HOXB3: variants seen among roughly 807,000 people sequenced by gnomAD.
HOXB3 encodes homeobox B3, also known as homeobox protein Hox-B3.
In HOXB3, 17 loss-of-function variants were observed where a neutral mutation model predicts 29.2. The observed-to-expected ratio is 0.58, with a 90% CI of 0.40 to 0.87. The LOEUF is 0.87. Ranked by LOEUF, HOXB3 falls within the 40% of genes least tolerant of loss-of-function variation. The probability of loss-of-function intolerance (pLI) is 0.00; values close to 1 mark genes in which losing one functional copy is unlikely to be tolerated. For synonymous variants in HOXB3, 317 were observed against 285.9 expected (o/e 1.11, Z -1.10); for missense variants, 637 against 616.3 (o/e 1.03, Z -0.35).
chr17:48,578,137 G>A (rs1274667890), intron 1 of HOXB3: 2 of 1,551,932 alleles, frequency 1.3e-6, no homozygotes, highest in Admixed American at 1.8e-5. Flanking sequence ...AGCGCTGCAC[G>A]GTGCACGCCG....
intron 2 of HOXB3, 65 bp from the exon 3 acceptor site, chr17:48,555,683 G>T (rs1464138882): frequency 3.0e-6 from 1 of 332,714 alleles, no homozygotes; most frequent in Non-Finnish European, 5.6e-6. Context: ...CCCCGCCCCC[G>T]CCCCGCAAAG....
chr17:48,576,650 T>TGCCCCCCCCCCCAG, intron 1 of HOXB3: 2 of 567,770 alleles, frequency 3.5e-6, no homozygotes, highest in East Asian at 5.2e-5. Flanking sequence ...CCCCCTCCTG[T>TGCCCCCCCCCCCAG]CCCCCCACCC....
At chr17:48,561,179 T>C (rs1323326582) in intron 2 of HOXB3, among the ~76,000 whole-genome samples, 1 of 39,154 alleles carries the variant, frequency 2.6e-5, no homozygotes, top group Non-Finnish European at 7.4e-5. Flanking sequence ...AAACTCCGTC[T>C]CAAAACACAC....
At chr17:48,580,858 G>C (rs997102480) in intron 1 of HOXB3, 1 of 152,104 alleles carries the variant, frequency 6.6e-6, no homozygotes, top group Non-Finnish European at 1.5e-5. Context: ...ATGGGCATCT[G>C]GGGTTTACGA....
intron 2 of HOXB3, among the ~76,000 whole-genome samples, chr17:48,570,023 C>A (rs1185191312): frequency 1.3e-5 from 2 of 152,202 alleles, no homozygotes; most frequent in African/African-American, 2.4e-5. Context: ...ATTTCCCCCC[C>A]TTCCCAAACC....
In HOXB3 at chr17:48,554,962, A is replaced by T; in HGVS notation, c.-159+569T>A. The T allele has an allele frequency of 5.7e-6, 3 of 523,720 alleles. No homozygotes were observed. Among genetic ancestry groups the T allele is most frequent in the Admixed American group, 2.9e-5 (1 of 34,908 alleles). 32.4% of individuals were successfully genotyped at this position (523,720 alleles called of 1,614,324 possible). A position where few individuals can be genotyped will look rare whatever the true frequency, so the allele number is the denominator to read the frequency against. On this transcript the variant is annotated intron_variant, in intron 3 of 4. Transcript: ENST00000498678. This position sits in a 1 kb window ranked among gnomAD's most constrained non-coding sequence, Gnocchi z 4.1. ...AAACAGATCTATTTCCCTTGCCTCC[A>T]TGTTGGAAAAATTCAGGTTCCATAT...
intron 3 of HOXB3, chr17:48,553,406 C>G (rs894217833): frequency 2.0e-5 from 3 of 152,054 alleles, no homozygotes; most frequent in Admixed American, 1.3e-4. Context: ...TTTCCTGGGC[C>G]ACGCCAGTTG....
At chr17:48,576,691 C>A (rs757480194) in intron 1 of HOXB3, 1 of 1,551,812 alleles carries the variant, frequency 6.4e-7, no homozygotes, top group South Asian at 1.2e-5. Flanking sequence ...CACCCCCACC[C>A]CGAGGTTCGT....
chr17:48,556,132 A>G (rs948160214), intron 2 of HOXB3, among the ~76,000 whole-genome samples: 2 of 134,388 alleles, frequency 1.5e-5, no homozygotes, highest in African/African-American at 5.1e-5. Flanking sequence ...AGTAAGAAGA[A>G]AAGAAGGAGG....
chr17:48,578,735 G>A, intron 1 of HOXB3: 1 of 214,714 alleles, frequency 4.7e-6, no homozygotes, highest in Non-Finnish European at 9.2e-6. Context: ...GGCTCCCGGT[G>A]TAGCCCTCCT....
chr17:48,578,419 A>C (rs1242670975), intron 1 of HOXB3: 1 of 1,441,904 alleles, frequency 6.9e-7, no homozygotes, highest in Non-Finnish European at 9.1e-7. Context: ...TCAAGTGAAC[A>C]AAGTTAGGCG....
intron 1 of HOXB3, among the ~76,000 whole-genome samples, chr17:48,587,955 G>A (rs975066516): frequency 1.3e-5 from 2 of 152,216 alleles, no homozygotes; most frequent in East Asian, 1.9e-4. Flanking sequence ...AGAGGGTACC[G>A]GCTTGGCTTA....
At chr17:48,586,668 T>C (rs1323453623) in intron 1 of HOXB3, among the ~76,000 whole-genome samples, 1 of 152,200 alleles carries the variant, frequency 6.6e-6, no homozygotes. Context: ...GTGGGTTTTT[T>C]CCCCCAACTC....
intron 1 of HOXB3, chr17:48,582,321 G>C (rs1026811687): frequency 2.6e-5 from 4 of 152,300 alleles, no homozygotes; most frequent in African/African-American, 9.7e-5. Flanking sequence ...GCCGGCCGCC[G>C]AGCCGCCCGC....
intron 2 of HOXB3, chr17:48,556,347 G>C (rs1235443951): frequency 6.6e-6 from 1 of 152,510 alleles, no homozygotes; most frequent in East Asian, 1.9e-4. Flanking sequence ...GGTGCCGGGT[G>C]CCCCTCTGCA....
At chr17:48,576,682 A>AC in intron 1 of HOXB3, 1 of 264,108 alleles carries the variant, frequency 3.8e-6, no homozygotes, top group Non-Finnish European at 5.5e-6. Context: ...CTCACTGCCC[A>AC]CCCCCACCCC....
rs1425197876 is a variant in HOXB3, at chr17:48,551,050, C to T, written c.580G>A (p.Ala194Thr). 1 of 1,591,672 alleles carries T rather than the reference C, an allele frequency of 6.3e-7. No individual in the cohort carries two copies. Among genetic ancestry groups the T allele is most frequent in the African/African-American group, 1.4e-5 (1 of 73,872 alleles). The stretch of plus-strand genomic sequence containing the variant: ...TCCACCAGCTGCGCGCTCGTGTACG[C>T]CGTCCGCGCCCGCTTGGACGCCGCC... ...GSAASKRART[A>T]YTSAQLVELE... Residue 194 changes from alanine to threonine, a missense_variant, in exon 5 of 5, where the codon GCG (alanine) becomes ACG (threonine). By Grantham distance (58) the Ala-to-Thr change is moderately conservative (BLOSUM62 0). Coordinates refer to ENST00000498678, the MANE Select transcript of HOXB3 (RefSeq NM_001384749.1).
At position 48,552,159 on chromosome 17, in the gene HOXB3, C is replaced by A; in HGVS notation, c.316G>T (p.Gly106Trp). Reference sequence around the variant, plus strand: ...GGACCACTTTTGCTGGGCCCGCCCCCATTACTGCTGTTGCTAGTGGCACTG... The same window carrying A: ...GGACCACTTTTGCTGGGCCCGCCCCAATTACTGCTGTTGCTAGTGGCACTG... ...PTSATSNSSN[G>W]GGPSKSGPPK... The change falls in exon 4 of 5, where the codon GGG becomes TGG. Residue 106 changes from glycine to tryptophan, a missense_variant. By Grantham distance (184) the Gly-to-Trp change is radical. Transcript: ENST00000498678. 2 of 1,614,024 alleles carry A rather than the reference C, an allele frequency of 1.2e-6. No individual in the cohort carries two copies. Among genetic ancestry groups the A allele is most frequent in the East Asian group, 2.2e-5 (1 of 44,864 alleles).
chr17:48,569,265 C>T (rs1271875351), intron 2 of HOXB3, among the ~76,000 whole-genome samples: 1 of 152,092 alleles, frequency 6.6e-6, no homozygotes, highest in Non-Finnish European at 1.5e-5. Context: ...ACCACTATGA[C>T]CTTCCCCTTC....
Sources: gnomAD v4.1 joint callset for allele counts (sites outside exome capture counted in the v4.1 genomes callset) on GRCh38, gnomAD v4.1.1 for gene constraint, Gnocchi (gnomAD v3.1) non-coding constraint, MANE v1.5 for transcripts, NCBI Gene and HGNC (gene_info 2026-07-23, HGNC 2026-07-21) for gene names.